Variants in FLRT2 observed in about 807,000 individuals in gnomAD.
FLRT2 encodes leucine-rich repeat transmembrane protein FLRT2.
FLRT2 carries 15 observed loss-of-function variants against 40.0 expected under a neutral mutation model. The observed-to-expected ratio is 0.38, with a 90% CI of 0.25 to 0.58. FLRT2 has a LOEUF of 0.58. Ranked by LOEUF, FLRT2 falls within the 20% of genes least tolerant of loss-of-function variation. The pLI is 0.71. For synonymous variants in FLRT2, 380 were observed against 336.8 expected (o/e 1.13, Z -1.41); for missense variants, 726 against 840.0 (o/e 0.86, Z 1.68).
At chr14:85,551,847 C>A (rs1889646478) in intron 1 of FLRT2, 1 of 152,076 alleles carries the variant, frequency 6.6e-6, no homozygotes, top group Non-Finnish European at 1.5e-5. Context: ...CTTAAAGTTT[C>A]CATTTTGATT....
rs1194332879 is a variant in FLRT2 at position 85,633,663 on chromosome 14, G to T, written c.*10166G>T. 3 of 151,616 alleles carry T rather than the reference G, an allele frequency of 2.0e-5. No homozygotes were observed. The highest frequency in any genetic ancestry group is 4.4e-5 in the Non-Finnish European group (3 of 67,964). The allele number at this position is 151,616 out of a possible 1,614,324, so 9.4% of individuals were successfully genotyped here. The stretch of plus-strand genomic sequence containing the variant: ...AAAAAAAAAAAAATTAGCCAGGAGT[G>T]GTGGCATGTGCCTATAGTCCCAGCT... On this transcript the variant is annotated 3_prime_UTR_variant, in exon 2 of 2. Coordinates refer to ENST00000330753, the MANE Select transcript of FLRT2 (RefSeq NM_013231.6).
chr14:85,614,685 GCCCAGAAACCTTCATTTCTCATCACTTT>G (rs146290541), intron 1 of FLRT2, among the ~76,000 whole-genome samples: 4,541 of 152,202 alleles, frequency 0.03, 233 homozygotes, highest in African/African-American at 0.1. Flanking sequence ...CAGGGGTGGG[GCCCAGAAACCTTCATTTCTCATCACTTT>G]CCCCTAGTGT....
intron 1 of FLRT2, among the ~76,000 whole-genome samples, chr14:85,605,744 C>CT (rs1443202617): frequency 3.9e-5 from 6 of 151,998 alleles, no homozygotes; most frequent in African/African-American, 1.4e-4. Context: ...CCAGCCTGGG[C>CT]AACAGAGCAA....
rs1201902940 is a variant in FLRT2, at chr14:85,623,524, C to T, written c.*27C>T. 7.1e-6 allele frequency: 10 copies of T among 1,406,742 alleles called. No homozygotes were observed. Among genetic ancestry groups the T allele is most frequent in the South Asian group, 2.1e-5 (1 of 47,250 alleles). The allele number at this position is 1,406,742 out of a possible 1,614,324, so 87.1% of individuals were successfully genotyped here. On this transcript the variant is annotated 3_prime_UTR_variant, in exon 2 of 2. Transcript: ENST00000330753. ...AGCCAGAGGCCCAGCGTTATCAAGG[C>T]GGACAATTAGACTCTTGAGAACACA... is the stretch of plus-strand genomic sequence containing the variant.
chr14:85,619,598 T>C (rs1221877612), intron 1 of FLRT2, among the ~76,000 whole-genome samples: 2 of 152,156 alleles, frequency 1.3e-5, no homozygotes, highest in Admixed American at 6.6e-5. Context: ...ATTTCCAGTG[T>C]TCTTTTTTTC....
Position 85,652,574 on chromosome 14 carries a change from C to G in FLRT2, c.*29077C>G, listed in dbSNP as rs958919602. The G allele has an allele frequency of 6.6e-6, 1 of 152,054 alleles. No individual in the cohort carries two copies. The highest frequency in any genetic ancestry group is 1.5e-5 in the Non-Finnish European group (1 of 67,980). 9.4% of individuals were successfully genotyped at this position (152,054 alleles called of 1,614,324 possible). A position where few individuals can be genotyped will look rare whatever the true frequency, so the allele number is the denominator to read the frequency against. The stretch of plus-strand genomic sequence containing the variant: ...AAAAGCCTTTGAATAAAATATTATA[C>G]AACTTTAAATAAATTTAAGATGACA... On this transcript the variant is annotated 3_prime_UTR_variant, in exon 2 of 2. Transcript: ENST00000330753.
chr14:85,603,872 A>G (rs780370526), intron 1 of FLRT2, among the ~76,000 whole-genome samples: 1 of 152,130 alleles, frequency 6.6e-6, no homozygotes, highest in Non-Finnish European at 1.5e-5. Flanking sequence ...TCAATCTTGA[A>G]ACCTGGATTG....
In FLRT2 at chr14:85,636,953, A is replaced by AAAG. The variant is rs1894022475; in HGVS notation, c.*13457_*13458insAGA. 6.7e-6 allele frequency: 1 copy of AAAG among 150,352 alleles called. No homozygotes were observed. The highest frequency in any genetic ancestry group is 2.4e-5 in the African/African-American group (1 of 40,942). The allele number at this position is 150,352 out of a possible 1,614,324, so 9.3% of individuals were successfully genotyped here. A position where few individuals can be genotyped will look rare whatever the true frequency, so the allele number is the denominator to read the frequency against. ...CCAAAAAAAAAAAAAAAAAAAAAAA[A>AAAG]AGAGAGAGACTAACATTCTAACAGA... On this transcript the variant is annotated 3_prime_UTR_variant, in exon 2 of 2. Transcript: ENST00000330753.
At chr14:85,549,248 C>CTAA (rs1450060229) in intron 1 of FLRT2, among the ~76,000 whole-genome samples, 203 of 152,284 alleles carry the variant, frequency 1.3e-3, no homozygotes, top group African/African-American at 4.6e-3. Context: ...CTTAAGCCAT[C>CTAA]CATGGATGGC....
rs1894325491 is a variant in FLRT2 at position 85,647,137 on chromosome 14, A to T, written c.*23640A>T. The T allele has an allele frequency of 6.6e-6, 1 of 152,174 alleles. No homozygotes were observed. Among genetic ancestry groups the T allele is most frequent in the South Asian group, 2.1e-4 (1 of 4,830 alleles). The allele number at this position is 152,174 out of a possible 1,614,324, so 9.4% of individuals were successfully genotyped here. A position where few individuals can be genotyped will look rare whatever the true frequency, so the allele number is the denominator to read the frequency against. On this transcript the variant is annotated 3_prime_UTR_variant, in exon 2 of 2. Transcript: ENST00000330753. ...TTAGTATCTCATATGCTTCGTGTAC[A>T]TGTCATGTATGAAGGTGCCTGAGGT...
At chr14:85,582,784 T>A (rs1251534829) in intron 1 of FLRT2, among the ~76,000 whole-genome samples, 1 of 152,074 alleles carries the variant, frequency 6.6e-6, no homozygotes, top group Non-Finnish European at 1.5e-5. Context: ...TTATTATTAA[T>A]TTAGGATGAC....
At chr14:85,597,197 C>T (rs1357024323) in intron 1 of FLRT2, among the ~76,000 whole-genome samples, 1 of 151,758 alleles carries the variant, frequency 6.6e-6, no homozygotes, top group Non-Finnish European at 1.5e-5. Flanking sequence ...AAATGTAGCT[C>T]AAGGAGCTGG....
chr14:85,581,191 A>G (rs1352022423), intron 1 of FLRT2, among the ~76,000 whole-genome samples: 1 of 152,174 alleles, frequency 6.6e-6, no homozygotes. Context: ...TCTGATCTAG[A>G]TTTGGGCAGA....
At chr14:85,538,157 A>T (rs1196259842) in intron 1 of FLRT2, among the ~76,000 whole-genome samples, 2 of 152,154 alleles carry the variant, frequency 1.3e-5, no homozygotes, top group Non-Finnish European at 1.5e-5. Context: ...TTAATGTAGG[A>T]TGTGTTCCTG....
At chr14:85,604,639 A>G (rs1405679571) in intron 1 of FLRT2, among the ~76,000 whole-genome samples, 1 of 152,116 alleles carries the variant, frequency 6.6e-6, no homozygotes, top group Non-Finnish European at 1.5e-5. Context: ...TAAGCCTAGG[A>G]CTGTTTTTAA....
intron 1 of FLRT2, among the ~76,000 whole-genome samples, chr14:85,538,510 GA>G (rs2139805692): frequency 6.7e-6 from 1 of 149,584 alleles, no homozygotes; most frequent in East Asian, 2.0e-4. Context: ...AAGAAACTTG[GA>G]AAAAGGTCTT....
chr14:85,538,347 A>G (rs1888793892), intron 1 of FLRT2, among the ~76,000 whole-genome samples: 1 of 152,164 alleles, frequency 6.6e-6, no homozygotes, highest in Admixed American at 6.5e-5. Flanking sequence ...TACTAAGGAC[A>G]TACTTTTTCT....
In FLRT2 at chr14:85,640,740, T is replaced by C. The variant is rs1894130437; in HGVS notation, c.*17243T>C. On this transcript the variant is annotated 3_prime_UTR_variant, in exon 2 of 2. Transcript: ENST00000330753. ...TCTCTGCAAAGAGATTTGAGCCCCTTGAGTAGAACATAGGCCACATAGTGT... is the reference window on the plus strand; with the variant it reads ...TCTCTGCAAAGAGATTTGAGCCCCTCGAGTAGAACATAGGCCACATAGTGT... 6.6e-6 allele frequency: 1 copy of C among 152,212 alleles called. No homozygotes were observed. The highest frequency in any genetic ancestry group is 2.4e-5 in the African/African-American group (1 of 41,454). The allele number at this position is 152,212 out of a possible 1,614,324, so 9.4% of individuals were successfully genotyped here.
chr14:85,592,789 C>CAAAAAAAAAAAA (rs34002874), intron 1 of FLRT2, among the ~76,000 whole-genome samples: 2 of 90,640 alleles, frequency 2.2e-5, no homozygotes, highest in Non-Finnish European at 4.1e-5. Context: ...AACTCCGTCT[C>CAAAAAAAAAAAA]AAAAAAAAAA....
Sources: gnomAD v4.1 joint callset for allele counts (sites outside exome capture counted in the v4.1 genomes callset) on GRCh38, gnomAD v4.1.1 for gene constraint, MANE v1.5 for transcripts, NCBI Gene and HGNC (gene_info 2026-07-23, HGNC 2026-07-21) for gene names.